CLINT1: variants seen among roughly 807,000 people sequenced by gnomAD.
CLINT1 encodes the protein clathrin interactor 1.
Under a neutral mutation model 70.4 loss-of-function variants are expected in CLINT1, and 15 were observed. The ratio of observed to expected loss-of-function variants is 0.21; its 90% CI spans 0.14 to 0.33. The LOEUF is 0.33. Among genes scored for constraint, CLINT1 ranks in the 10% least tolerant of loss-of-function variants. CLINT1 has a pLI of 1.00. For synonymous variants in CLINT1, 227 were observed against 254.7 expected, an observed-to-expected ratio of 0.89 and a Z score of 1.04; for missense variants, 615 against 778.1, an observed-to-expected ratio of 0.79 and a Z score of 2.49.
intron 1 of CLINT1, among the ~76,000 whole-genome samples, chr5:157,831,853 A>G (rs1458593912): frequency 2.0e-5 from 3 of 151,996 alleles, no homozygotes; most frequent in African/African-American, 7.2e-5. Context: ...CACCATGTCC[A>G]GCTAATTTTT....
chr5:157,809,535 A>C, intron 6 of CLINT1, 93 bp downstream of exon 6: 1 of 1,044,506 alleles, frequency 9.6e-7, no homozygotes, highest in East Asian at 2.7e-5. Context: ...GATAATGTTA[A>C]TACCCCAAAC....
chr5:157,848,393 G>A (rs1024686100), intron 1 of CLINT1, among the ~76,000 whole-genome samples: 13 of 149,758 alleles, frequency 8.7e-5, no homozygotes, highest in East Asian at 4.0e-4. Flanking sequence ...CACTGCACCC[G>A]ACCTAAGAAT....
At chr5:157,820,317 C>T (rs1415250713) in intron 1 of CLINT1, among the ~76,000 whole-genome samples, 3 of 152,058 alleles carry the variant, frequency 2.0e-5, no homozygotes, top group African/African-American at 7.2e-5. Flanking sequence ...GGCGTGGTAG[C>T]GTGTACCTGT....
intron 10 of CLINT1, among the ~76,000 whole-genome samples, chr5:157,790,956 G>C (rs765495340): frequency 6.6e-6 from 1 of 152,214 alleles, no homozygotes; most frequent in Non-Finnish European, 1.5e-5. Flanking sequence ...TTCCATATTA[G>C]CAATAATTAT....
In CLINT1 at chr5:157,786,919, A is replaced by C. The variant is rs1182851075; in HGVS notation, c.*727T>G. 6.6e-6 allele frequency: 1 copy of C among 152,404 alleles called. No homozygotes were observed. The highest frequency in any genetic ancestry group is 2.4e-5 in the African/African-American group (1 of 41,450). 9.4% of individuals were successfully genotyped at this position (152,404 alleles called of 1,614,324 possible). A position where few individuals can be genotyped will look rare whatever the true frequency, so the allele number is the denominator to read the frequency against. ...AACAGAAGTTTTTTTCTTTTAAAGG[A>C]AACCATAGAGCAGTCCTGAAAAAAA... On this transcript the variant is annotated 3_prime_UTR_variant, in exon 12 of 12. Coordinates refer to ENST00000411809, the MANE Select transcript of CLINT1 (RefSeq NM_014666.4).
At chr5:157,853,408 T>C (rs1753640605) in intron 1 of CLINT1, among the ~76,000 whole-genome samples, 1 of 151,544 alleles carries the variant, frequency 6.6e-6, no homozygotes, top group Non-Finnish European at 1.5e-5. Context: ...TGTGAAACCT[T>C]GGATTACTAG....
intron 1 of CLINT1, among the ~76,000 whole-genome samples, chr5:157,848,145 C>T (rs1434452825): frequency 6.6e-6 from 1 of 151,804 alleles, no homozygotes. Context: ...CGCTCTGTCG[C>T]CCAGGCTGGA....
rs574472955 is a variant in CLINT1, at chr5:157,856,283, G to T, written c.41+2647C>A. Among the ~76,000 whole-genome samples, 11 of 152,254 alleles carry T rather than the reference G, an allele frequency of 7.2e-5. No homozygotes were observed. In the South Asian group the frequency reaches 2.3e-3, roughly 32 times the overall value. ...CATTTCTCCAATAGCCATCAAAGGT[G>T]GAAAAAGTCTTACTCTAGCCAGGTC... On this transcript the variant is annotated intron_variant, in intron 1 of 11. Coordinates refer to ENST00000411809, the MANE Select transcript of CLINT1 (RefSeq NM_014666.4).
At chr5:157,789,812 G>A (rs1190180188) in intron 10 of CLINT1, 6 of 479,864 alleles carry the variant, frequency 1.3e-5, no homozygotes, top group Non-Finnish European at 2.2e-5. Context: ...TCAAAGTCTA[G>A]AAGCCACCAT....
chr5:157,821,102 G>A (rs1015227051), intron 1 of CLINT1, among the ~76,000 whole-genome samples: 1 of 151,924 alleles, frequency 6.6e-6, no homozygotes, highest in Non-Finnish European at 1.5e-5. Flanking sequence ...CCATTATTAT[G>A]ACCTTCTGTT....
rs74754292 is a variant in CLINT1, at chr5:157,793,214, CTT to C, written c.1088-1221_1088-1220del. 3.6e-3 allele frequency among the ~76,000 whole-genome samples: 517 copies of C among 143,318 alleles called. 1 individual carries two copies. Among genetic ancestry groups the C allele is most frequent in the African/African-American group, 0.012 (456 of 39,534 alleles). 94.0% of individuals were successfully genotyped at this position (143,318 alleles called of 152,430 possible). A position where few individuals can be genotyped will look rare whatever the true frequency, so the allele number is the denominator to read the frequency against. The stretch of plus-strand genomic sequence containing the variant: ...GGTTTTACTAATACACGTCTTTGAT[CTT>C]TTTTTTTTTTTTAAGTGACTGCATT... On this transcript the variant is annotated intron_variant, in intron 9 of 11. Coordinates refer to ENST00000411809, the MANE Select transcript of CLINT1 (RefSeq NM_014666.4).
chr5:157,831,690 ATCC>A (rs1384720999), intron 1 of CLINT1, among the ~76,000 whole-genome samples: 121 of 135,652 alleles, frequency 8.9e-4, no homozygotes, highest in South Asian at 8.8e-3. Context: ...GAGTGAAAAT[ATCC>A]TTTTTTTTTT....
At chr5:157,794,075 A>T (rs1271972587) in intron 9 of CLINT1, among the ~76,000 whole-genome samples, 1 of 152,144 alleles carries the variant, frequency 6.6e-6, no homozygotes, top group African/African-American at 2.4e-5. Context: ...AAAAAAAATA[A>T]AAAAGACACT....
rs577202626 is a variant in CLINT1 at position 157,824,307 on chromosome 5, A to C, written c.42-6760T>G. On this transcript the variant is annotated intron_variant, in intron 1 of 11. Coordinates refer to ENST00000411809, the MANE Select transcript of CLINT1 (RefSeq NM_014666.4). ...GTTCAATACTCGTATTTTAATATCAAGTTATATTTCATTACAGTCCTGTGA... is the reference window on the plus strand; with the variant it reads ...GTTCAATACTCGTATTTTAATATCACGTTATATTTCATTACAGTCCTGTGA... Among the ~76,000 whole-genome samples the C allele has an allele frequency of 1.8e-4, 28 of 152,338 alleles. No homozygotes were observed. In the South Asian group the frequency reaches 5.6e-3, roughly 31 times the overall value.
chr5:157,829,230 CCTCAA>C (rs1299790532), intron 1 of CLINT1, among the ~76,000 whole-genome samples: 2 of 152,162 alleles, frequency 1.3e-5, no homozygotes, highest in Non-Finnish European at 2.9e-5. Flanking sequence ...AACACTGTGC[CCTCAA>C]CAGGAAAGAC....
chr5:157,810,314 T>C (rs1762516990), intron 5 of CLINT1, among the ~76,000 whole-genome samples: 3 of 152,202 alleles, frequency 2.0e-5, no homozygotes, highest in South Asian at 4.1e-4. Flanking sequence ...TCAATAACTG[T>C]CACGCCTCAG....
intron 1 of CLINT1, among the ~76,000 whole-genome samples, chr5:157,842,854 T>C (rs1753237751): frequency 6.6e-6 from 1 of 152,232 alleles, no homozygotes; most frequent in African/African-American, 2.4e-5. Flanking sequence ...GTTTTGCGTG[T>C]AAGTTTAACC....
intron 1 of CLINT1, among the ~76,000 whole-genome samples, chr5:157,840,488 T>G (rs1204337526): frequency 6.6e-6 from 1 of 151,966 alleles, no homozygotes; most frequent in Non-Finnish European, 1.5e-5. Context: ...ATCATCCTTA[T>G]TCTCAGGAAA....
At chr5:157,788,845 G>T (rs1761806206) in intron 11 of CLINT1, among the ~76,000 whole-genome samples, 1 of 151,938 alleles carries the variant, frequency 6.6e-6, no homozygotes, top group Non-Finnish European at 1.5e-5. Flanking sequence ...GTGCACGCCT[G>T]TAGTCCCAGC....
Sources: gnomAD v4.1 joint callset for allele counts (sites outside exome capture counted in the v4.1 genomes callset) on GRCh38, gnomAD v4.1.1 for gene constraint, MANE v1.5 for transcripts, NCBI Gene and HGNC (gene_info 2026-07-23, HGNC 2026-07-21) for gene names.